Variants in FGD5 observed in about 807,000 individuals in gnomAD.
FGD5 encodes FYVE, RhoGEF and PH domain-containing protein 5.
FGD5 carries 28 observed loss-of-function variants against 133.4 expected under a neutral mutation model. The ratio of observed to expected loss-of-function variants is 0.21; its 90% CI spans 0.16 to 0.29. The LOEUF (loss-of-function observed/expected upper bound fraction) is 0.29. Ranked by LOEUF, FGD5 falls within the 10% of genes least tolerant of loss-of-function variation. The pLI, the probability that FGD5 is intolerant of heterozygous loss-of-function variation, is 1.00. For synonymous variants in FGD5, 810 were observed against 776.5 expected (o/e 1.04, Z -0.72); for missense variants, 1,858 against 1,895.2 (o/e 0.98, Z 0.36).
intron 17 of FGD5, among the ~76,000 whole-genome samples, chr3:14,924,763 G>A (rs1171355188): frequency 6.6e-6 from 1 of 152,202 alleles, no homozygotes; most frequent in Non-Finnish European, 1.5e-5. Context: ...AATAGGTACA[G>A]TTTTATCCAT....
chr3:14,831,099 C>T (rs939442999), intron 1 of FGD5, among the ~76,000 whole-genome samples: 8 of 152,032 alleles, frequency 5.3e-5, no homozygotes, highest in Admixed American at 2.6e-4. Context: ...GAAGGGCATC[C>T]GAGGCAGAGG....
chr3:14,885,903 G>A (rs1443018480), intron 4 of FGD5, among the ~76,000 whole-genome samples: 1 of 152,216 alleles, frequency 6.6e-6, no homozygotes, highest in Non-Finnish European at 1.5e-5. Flanking sequence ...AGAGATTGTT[G>A]TGGGTGTTTT....
chr3:14,885,366 T>C (rs72494941), intron 4 of FGD5, among the ~76,000 whole-genome samples: 6,593 of 152,100 alleles, frequency 0.043, 266 homozygotes, highest in East Asian at 0.2. Context: ...TCTCTAGATG[T>C]CGCGGTAGAT....
chr3:14,821,072 C>A lies in FGD5; in HGVS notation c.2001C>A (p.Asn667Lys). The A allele has an allele frequency of 6.2e-7, 1 of 1,613,968 alleles. No individual in the cohort carries two copies. Among genetic ancestry groups the A allele is most frequent in the Non-Finnish European group, 8.5e-7 (1 of 1,179,876 alleles). ...LALTFKKKTE[N>K]KLHVDVNVSS... Reference sequence around the variant, plus strand: ...TGACGTTTAAGAAGAAGACGGAGAACAAATTGCATGTGGATGTGAACGTGT... The same window carrying A: ...TGACGTTTAAGAAGAAGACGGAGAAAAAATTGCATGTGGATGTGAACGTGT... Residue 667 changes from asparagine to lysine, a missense_variant, in exon 1 of 20, where the codon AAC becomes AAA. Around this residue, in one of 3 missense-constraint regions of FGD5, gnomAD observed 1,824 missense variants for 1,848.9 expected, o/e 0.99. Coordinates refer to ENST00000285046, the MANE Select transcript of FGD5 (RefSeq NM_152536.4).
intron 10 of FGD5, among the ~76,000 whole-genome samples, chr3:14,908,375 T>TG (rs1174358278): frequency 6.6e-6 from 1 of 152,156 alleles, no homozygotes; most frequent in Non-Finnish European, 1.5e-5. Flanking sequence ...GGTCTTCAGC[T>TG]GTTTTAGTAG....
At chr3:14,844,248 ATATATATATATATATATATATAT>A (rs2036997416) in intron 1 of FGD5, among the ~76,000 whole-genome samples, 1 of 59,018 alleles carries the variant, frequency 1.7e-5, no homozygotes, top group South Asian at 5.6e-4. Context: ...ATATATATAT[ATATATATATATATATATATATAT>A]AATGCAGGTT....
At chr3:14,843,250 A>G (rs1559476670) in intron 1 of FGD5, among the ~76,000 whole-genome samples, 1 of 152,178 alleles carries the variant, frequency 6.6e-6, no homozygotes, top group Admixed American at 6.5e-5. Flanking sequence ...CTCCATATAT[A>G]GTGAACGGAA....
chr3:14,819,560 TGAG>T lies in FGD5; in HGVS notation c.495_497del (p.Glu167del). The T allele has an allele frequency of 6.4e-7, 1 of 1,550,390 alleles. No individual in the cohort carries two copies. Among genetic ancestry groups the T allele is most frequent in the Non-Finnish European group, 8.7e-7 (1 of 1,146,654 alleles). On this transcript the variant is annotated inframe_deletion, in exon 1 of 20. Coordinates refer to ENST00000285046, the MANE Select transcript of FGD5 (RefSeq NM_152536.4). This position sits in a 1 kb window ranked among gnomAD's most constrained non-coding sequence, Gnocchi z 4.1. The stretch of plus-strand genomic sequence containing the variant: ...GGACACTGGAGCAGGTGTCCAGAAG[TGAG>T]GAGGAAGAGAAGCTAGTGCAGCCAC...
intron 6 of FGD5, 63 bp from the exon 7 acceptor site, chr3:14,898,676 G>A (rs2038182110): frequency 1.5e-6 from 2 of 1,373,830 alleles, no homozygotes; most frequent in Admixed American, 2.0e-5. Flanking sequence ...ATGGGCTGCT[G>A]TGAGCATGGT....
At chr3:14,901,794 A>G (rs554312621) in intron 9 of FGD5, among the ~76,000 whole-genome samples, 42 of 152,340 alleles carry the variant, frequency 2.8e-4, no homozygotes, top group African/African-American at 9.1e-4. Context: ...AGGAAGGGAA[A>G]TTGCATTTAT....
At chr3:14,903,317 A>G (rs1276810458) in intron 9 of FGD5, among the ~76,000 whole-genome samples, 1 of 152,164 alleles carries the variant, frequency 6.6e-6, no homozygotes, top group East Asian at 1.9e-4. Flanking sequence ...GAGAGTCCCC[A>G]TGTGTCCCCC....
Position 14,820,605 on chromosome 3 carries a change from A to G in FGD5, c.1534A>G (p.Ile512Val), listed in dbSNP as rs199540712. The G allele has an allele frequency of 1.2e-6, 2 of 1,607,672 alleles. No individual in the cohort carries two copies. Among genetic ancestry groups the G allele is most frequent in the East Asian group, 2.2e-5 (1 of 44,810 alleles). The change falls in exon 1 of 20, where the codon ATT (isoleucine) becomes GTT (valine). Residue 512 changes from isoleucine to valine, a missense_variant. Ile to Val is a conservative substitution (Grantham distance 29). Around this residue, in one of 3 missense-constraint regions of FGD5, gnomAD observed 1,824 missense variants for 1,848.9 expected, o/e 0.99. Transcript: ENST00000285046. ...TGAGGCGGGCTCGTCAGCCCCTGGC[A>G]TTGGAGGTGCCGCAGAGGAGGTGGG... ...GPEAGSSAPG[I>V]GGAAEEVGKT...
In FGD5 at chr3:14,898,063, C is replaced by T; in HGVS notation, c.3034C>T (p.Pro1012Ser). ...GLLSENCLHSPRLAAAVREFE... is the reference protein window; with the variant it reads ...GLLSENCLHSSRLAAAVREFE... Reference sequence around the variant, plus strand: ...GCTCAGTGAGAATTGCCTCCACTCTCCCCGGCTGGCAGCTGCTGTCCGTGA... The same window carrying T: ...GCTCAGTGAGAATTGCCTCCACTCTTCCCGGCTGGCAGCTGCTGTCCGTGA... Residue 1012 changes from proline to serine, a missense_variant, in exon 6 of 20, where the codon CCC (proline) becomes TCC (serine). Pro to Ser is a moderately conservative substitution (Grantham distance 74, BLOSUM62 -1). This residue lies in a region of FGD5 where 1,824 missense variants were observed against 1,848.9 expected (regional missense o/e 0.99). Coordinates refer to ENST00000285046, the MANE Select transcript of FGD5 (RefSeq NM_152536.4). The T allele has an allele frequency of 6.2e-7, 1 of 1,614,020 alleles. No homozygotes were observed. The highest frequency in any genetic ancestry group is 2.2e-5 in the East Asian group (1 of 44,882).
At chr3:14,894,920 A>G (rs963524324) in intron 4 of FGD5, among the ~76,000 whole-genome samples, 5 of 42,716 alleles carry the variant, frequency 1.2e-4, no homozygotes, top group African/African-American at 6.9e-4. Flanking sequence ...GGGTGAGATG[A>G]TACCTTGTAG....
intron 12 of FGD5, 61 bp from the exon 13 acceptor site, chr3:14,918,693 A>G (rs1306715488): frequency 2.6e-6 from 4 of 1,535,536 alleles, no homozygotes; most frequent in Non-Finnish European, 3.6e-6. Context: ...TGCCAGGAGA[A>G]GCCGGTCTAC....
At chr3:14,925,982 T>C in intron 17 of FGD5, 88 bp from the exon 18 acceptor site, 2 of 1,544,986 alleles carry the variant, frequency 1.3e-6, no homozygotes, top group South Asian at 1.2e-5. Flanking sequence ...GTCAGCCAAA[T>C]GGTTTGCAGT....
chr3:14,914,443 T>C (rs903709311), intron 11 of FGD5, among the ~76,000 whole-genome samples: 1 of 152,152 alleles, frequency 6.6e-6, no homozygotes, highest in Non-Finnish European at 1.5e-5. Context: ...GCATATACTT[T>C]GAAGCAGGCA....
chr3:14,864,856 T>A (rs908165531), intron 2 of FGD5, among the ~76,000 whole-genome samples: 1 of 152,118 alleles, frequency 6.6e-6, no homozygotes, highest in African/African-American at 2.4e-5. Context: ...ACACTCTCTA[T>A]TGGACACTCA....
At chr3:14,825,685 CT>C (rs2036586757) in intron 1 of FGD5, among the ~76,000 whole-genome samples, 1 of 151,994 alleles carries the variant, frequency 6.6e-6, no homozygotes, top group Admixed American at 6.5e-5. Flanking sequence ...CTGAAGCATT[CT>C]TTGTTCCCTG....
Sources: gnomAD v4.1 joint callset for allele counts (sites outside exome capture counted in the v4.1 genomes callset) on GRCh38, gnomAD v4.1.1 for gene constraint, gnomAD v4.1.1 regional missense constraint, Gnocchi (gnomAD v3.1) non-coding constraint, MANE v1.5 for transcripts, NCBI Gene and HGNC (gene_info 2026-07-23, HGNC 2026-07-21) for gene names.